ZNF827: variants seen among roughly 807,000 people sequenced by gnomAD.
ZNF827 encodes the protein zinc finger protein 827.
Under a neutral mutation model 102.4 loss-of-function variants are expected in ZNF827, and 13 were observed. That is an observed-to-expected ratio of 0.13 (90% CI 0.08 to 0.20). ZNF827 has a LOEUF of 0.20. Ranked by LOEUF, ZNF827 falls within the 10% of genes least tolerant of loss-of-function variation. The pLI, the probability that ZNF827 is intolerant of heterozygous loss-of-function variation, is 1.00. For synonymous variants in ZNF827, 523 were observed against 536.2 expected (o/e 0.98, Z 0.34); for missense variants, 1,103 against 1,344.4 (o/e 0.82, Z 2.81).
Position 145,854,466 on chromosome 4 carries a change from T to C in ZNF827, c.1982-4905A>G, listed in dbSNP as rs1216805038. 5.9e-5 allele frequency among the ~76,000 whole-genome samples: 9 copies of C among 152,044 alleles called. No homozygotes were observed. In the East Asian group the frequency reaches 1.5e-3, roughly 26 times the overall value. Reference sequence around the variant, plus strand: ...GAGGGAATAGTCCCACCTGGTGTGGTGGCATGGAAGCCAGGAGAGAAGCAG... The same window carrying C: ...GAGGGAATAGTCCCACCTGGTGTGGCGGCATGGAAGCCAGGAGAGAAGCAG... On this transcript the variant is annotated intron_variant, in intron 5 of 14. Transcript: ENST00000508784.
At chr4:145,782,572 C>T (rs950510668) in intron 8 of ZNF827, among the ~76,000 whole-genome samples, 1 of 152,194 alleles carries the variant, frequency 6.6e-6, no homozygotes, top group African/African-American at 2.4e-5. Flanking sequence ...TCATCTTTCA[C>T]CAACATTGTG....
chr4:145,846,854 A>G (rs2126643185), intron 6 of ZNF827, among the ~76,000 whole-genome samples: 1 of 145,002 alleles, frequency 6.9e-6, no homozygotes, highest in East Asian at 2.1e-4. Context: ...AACAACAACA[A>G]AAAACAACCA....
At chr4:145,829,814 C>T (rs13149290) in intron 7 of ZNF827, among the ~76,000 whole-genome samples, 41,910 of 152,002 alleles carry the variant, frequency 0.28, 6,991 homozygotes, top group East Asian at 0.8. Context: ...TGTTAAGCCA[C>T]TGCAATACTG....
chr4:145,814,606 T>TAACAAACAAACA lies in ZNF827; in HGVS notation c.2383+8804_2383+8815dup, dbSNP rs59852029. On this transcript the variant is annotated intron_variant, in intron 8 of 14. Transcript: ENST00000508784. ...ACCAGTGTTTCCTGGTCTCACCTCC[T>TAACAAACAAACA]AACAAACAAACAAACAAACAAACAA... 6.2e-3 allele frequency among the ~76,000 whole-genome samples: 919 copies of TAACAAACAAACA among 147,996 alleles called. 12 individuals carry two copies. Among genetic ancestry groups the TAACAAACAAACA allele is most frequent in the South Asian group, 0.031 (139 of 4,518 alleles).
intron 4 of ZNF827, among the ~76,000 whole-genome samples, chr4:145,874,646 C>T (rs1479538754): frequency 6.6e-6 from 1 of 152,142 alleles, no homozygotes; most frequent in Non-Finnish European, 1.5e-5. Context: ...AGAAAAGCAA[C>T]CATTTATGAC....
intron 1 of ZNF827, among the ~76,000 whole-genome samples, chr4:145,906,540 G>T (rs532336641): frequency 7.9e-5 from 12 of 152,278 alleles, no homozygotes; most frequent in African/African-American, 2.6e-4. Flanking sequence ...CAGTGAGCAA[G>T]AATATTCCCC....
chr4:145,895,692 T>C (rs1334004971), intron 2 of ZNF827, among the ~76,000 whole-genome samples: 3 of 152,204 alleles, frequency 2.0e-5, no homozygotes, highest in African/African-American at 7.2e-5. Flanking sequence ...AGAAAGAAAT[T>C]TCATATTTTA....
At chr4:145,847,647 G>A (rs1047821962) in intron 6 of ZNF827, among the ~76,000 whole-genome samples, 1 of 152,142 alleles carries the variant, frequency 6.6e-6, no homozygotes, top group African/African-American at 2.4e-5. Context: ...TTGAACTCTG[G>A]CCTTCCCAAT....
At chr4:145,784,102 A>T (rs1738503056) in intron 8 of ZNF827, among the ~76,000 whole-genome samples, 1 of 152,140 alleles carries the variant, frequency 6.6e-6, no homozygotes, top group Non-Finnish European at 1.5e-5. Context: ...CTATGATGGA[A>T]AGTTTCCTGA....
intron 8 of ZNF827, 96 bp downstream of exon 8, chr4:145,823,326 C>A: frequency 9.9e-7 from 1 of 1,008,928 alleles, no homozygotes; most frequent in Non-Finnish European, 1.5e-6. Context: ...TGAATAACTA[C>A]ATCCGTAAGC....
intron 8 of ZNF827, among the ~76,000 whole-genome samples, chr4:145,793,762 C>G (rs2127072303): frequency 6.6e-6 from 1 of 152,316 alleles, no homozygotes; most frequent in Admixed American, 6.5e-5. Flanking sequence ...TTACCTCTAA[C>G]TTTGATGTTA....
At chr4:145,912,239 T>C (rs1752346531) in intron 1 of ZNF827, among the ~76,000 whole-genome samples, 1 of 152,220 alleles carries the variant, frequency 6.6e-6, no homozygotes, top group Non-Finnish European at 1.5e-5. Flanking sequence ...TTGTTATATA[T>C]AAATGTGTTT....
rs1443702928 is a variant in ZNF827, at chr4:145,757,698, A to C, written c.*3918T>G. Reference sequence around the variant, plus strand: ...AAACTGGATACACTAGAAATTGGCAATGCAACATAAGATGCAAAGGAATAT... The same window carrying C: ...AAACTGGATACACTAGAAATTGGCACTGCAACATAAGATGCAAAGGAATAT... On this transcript the variant is annotated 3_prime_UTR_variant, in exon 15 of 15. Coordinates refer to ENST00000508784, the MANE Select transcript of ZNF827 (RefSeq NM_001306215.2). 4 of 152,096 alleles carry C rather than the reference A, an allele frequency of 2.6e-5. No individual in the cohort carries two copies. The highest frequency in any genetic ancestry group is 5.9e-5 in the Non-Finnish European group (4 of 68,012). The allele number at this position is 152,096 out of a possible 1,614,324, so 9.4% of individuals were successfully genotyped here.
intron 7 of ZNF827, among the ~76,000 whole-genome samples, chr4:145,834,211 G>A (rs1413990426): frequency 1.8e-4 from 27 of 152,056 alleles, no homozygotes; most frequent in Non-Finnish European, 3.2e-4. Context: ...AATTCTTGTC[G>A]TAAAATAGGC....
At chr4:145,850,009 T>A (rs1441869809) in intron 5 of ZNF827, among the ~76,000 whole-genome samples, 1 of 151,588 alleles carries the variant, frequency 6.6e-6, no homozygotes, top group Non-Finnish European at 1.5e-5. Context: ...TTTCTCCCTC[T>A]ATTTTTTTTT....
In ZNF827 at chr4:145,885,868, A is replaced by C; in HGVS notation, c.1557T>G (p.Pro519=). The change falls in exon 4 of 15, where the codon CCT becomes CCG. Residue 519 remains proline (P), a synonymous_variant. Coordinates refer to ENST00000508784, the MANE Select transcript of ZNF827 (RefSeq NM_001306215.2). Reference sequence around the variant, plus strand: ...CCTTGGGTTCCTCCTTCACCAGCAAAGGCGAGACGCCAGCCCCTCCCTGGC... The same window carrying C: ...CCTTGGGTTCCTCCTTCACCAGCAACGGCGAGACGCCAGCCCCTCCCTGGC... The part of the protein sequence containing the change: ...RTSQGGAGVS[P]LLVKEEPKED... The C allele has an allele frequency of 6.2e-7, 1 of 1,614,164 alleles. No individual in the cohort carries two copies. Among genetic ancestry groups the C allele is most frequent in the South Asian group, 1.1e-5 (1 of 91,076 alleles).
intron 6 of ZNF827, among the ~76,000 whole-genome samples, chr4:145,849,018 T>C (rs982623171): frequency 1.6e-4 from 24 of 152,220 alleles, no homozygotes; most frequent in Admixed American, 1.4e-3. Flanking sequence ...TCAGATCAAC[T>C]GCCTAAGCAA....
rs144764781 is a variant in ZNF827, at chr4:145,897,975, C to T, written c.1093+4191G>A. Among the ~76,000 whole-genome samples the T allele has an allele frequency of 6.0e-3, 906 of 152,120 alleles. 4 individuals carry two copies. The highest frequency in any genetic ancestry group is 0.01 in the Non-Finnish European group (705 of 67,992). ...TTCGAGACCAGCCTTACTAACATGG[C>T]GAAACCCCATCTCTACTAAAAATAC... On this transcript the variant is annotated intron_variant, in intron 2 of 14. Transcript: ENST00000508784.
intron 8 of ZNF827, among the ~76,000 whole-genome samples, chr4:145,817,593 C>A (rs140155178): frequency 1.3e-5 from 2 of 152,276 alleles, no homozygotes; most frequent in Non-Finnish European, 2.9e-5. Flanking sequence ...CTCGTGAGAA[C>A]TCACTATCAC....
Sources: allele counts gnomAD v4.1 joint callset (sites outside exome capture counted in the v4.1 genomes callset), GRCh38; gene constraint gnomAD v4.1.1; transcripts MANE v1.5; gene names NCBI Gene and HGNC (gene_info 2026-07-23, HGNC 2026-07-21).